The following NFAT5 variants were observed in gnomAD, a reference collection of about 807,000 sequenced individuals.
NFAT5 encodes nuclear factor of activated T cells 5.
NFAT5 carries 31 observed loss-of-function variants against 166.5 expected under a neutral mutation model. That is an observed-to-expected ratio of 0.19 (90% CI 0.14 to 0.25). The LOEUF (loss-of-function observed/expected upper bound fraction) is 0.25, where lower values mean the gene tolerates loss of function less well. Among genes scored for constraint, NFAT5 ranks in the 10% least tolerant of loss-of-function variants. NFAT5 has a pLI of 1.00. For missense variants in NFAT5, 1,449 were observed against 1,821.8 expected (o/e 0.80, Z 3.72); for synonymous variants, 612 against 639.7 (o/e 0.96, Z 0.65).
chr16:69,567,149 C>T (rs989904484), intron 1 of NFAT5, among the ~76,000 whole-genome samples: 4 of 152,344 alleles, frequency 2.6e-5, no homozygotes, highest in South Asian at 2.1e-4. Context: ...AGCCCAGGCA[C>T]AGACGCTGTC....
At chr16:69,645,851 T>G (rs887258671) in intron 3 of NFAT5, among the ~76,000 whole-genome samples, 1 of 152,208 alleles carries the variant, frequency 6.6e-6, no homozygotes, top group African/African-American at 2.4e-5. Context: ...ACTTCCAACC[T>G]TAGCGATCAA....
intron 2 of NFAT5, among the ~76,000 whole-genome samples, chr16:69,597,736 C>G (rs538257040): frequency 6.6e-6 from 1 of 152,130 alleles, no homozygotes; most frequent in East Asian, 1.9e-4. Flanking sequence ...GGACTACAGG[C>G]GCCCACCACC....
intron 9 of NFAT5, among the ~76,000 whole-genome samples, chr16:69,671,003 A>G (rs951929187): frequency 6.6e-6 from 1 of 152,246 alleles, no homozygotes; most frequent in Non-Finnish European, 1.5e-5. Context: ...ACATGACAGA[A>G]GGTAGAGAAA....
At chr16:69,610,928 A>G (rs746549654) in intron 2 of NFAT5, among the ~76,000 whole-genome samples, 2 of 151,868 alleles carry the variant, frequency 1.3e-5, no homozygotes, top group East Asian at 1.9e-4. Flanking sequence ...CTTTCAGTCA[A>G]CCTCACTGGA....
In NFAT5 at chr16:69,566,665, C is replaced by G. The variant is rs1194248474; in HGVS notation, c.73+291C>G. On this transcript the variant is annotated intron_variant, in intron 1 of 14. Coordinates refer to ENST00000349945, the MANE Select transcript of NFAT5 (RefSeq NM_138713.4). This position sits in a 1 kb window ranked among gnomAD's most constrained non-coding sequence, Gnocchi z 5.7. ...CGCTTCTAGCCGCTCTCAGCCCGTC[C>G]GGCCCCGCCAGGCTCCGCGAGCCGC... Among the ~76,000 whole-genome samples, 2 of 151,992 alleles carry G rather than the reference C, an allele frequency of 1.3e-5. No homozygotes were observed. Among genetic ancestry groups the G allele is most frequent in the Admixed American group, 6.6e-5 (1 of 15,266 alleles).
intron 2 of NFAT5, among the ~76,000 whole-genome samples, chr16:69,590,458 C>T (rs1376602103): frequency 6.6e-6 from 1 of 152,078 alleles, no homozygotes; most frequent in Non-Finnish European, 1.5e-5. Flanking sequence ...CTAGTTCTTT[C>T]TTTGTATTTG....
chr16:69,570,597 TATTA>T (rs1464079204), intron 2 of NFAT5, among the ~76,000 whole-genome samples: 6 of 152,046 alleles, frequency 3.9e-5, no homozygotes, highest in South Asian at 2.1e-4. Context: ...ATAATTATTG[TATTA>T]ATTTTTAATT....
intron 7 of NFAT5, among the ~76,000 whole-genome samples, chr16:69,668,817 T>G (rs1010077266): frequency 1.3e-5 from 2 of 152,182 alleles, no homozygotes; most frequent in South Asian, 4.1e-4. Flanking sequence ...TAGCTGGGAT[T>G]ACAAGCACCC....
intron 4 of NFAT5, chr16:69,649,223 T>C: frequency 7.3e-6 from 7 of 958,972 alleles, no homozygotes; most frequent in Non-Finnish European, 8.7e-6. Context: ...CTCATGAATA[T>C]CATTTAATTA....
In NFAT5 at chr16:69,659,887, C is replaced by G; in HGVS notation, c.1357C>G (p.Pro453Ala). 1 of 1,604,552 alleles carries G rather than the reference C, an allele frequency of 6.2e-7. No homozygotes were observed. Among genetic ancestry groups the G allele is most frequent in the Non-Finnish European group, 8.5e-7 (1 of 1,174,852 alleles). Residue 453 changes from proline (P) to alanine (A), a missense_variant, in exon 7 of 15, where the codon CCA (proline) becomes GCA (alanine). Pro to Ala is a conservative substitution (Grantham distance 27). Coordinates refer to ENST00000349945, the MANE Select transcript of NFAT5 (RefSeq NM_138713.4). ...STLTLQTPSS[P>A]ILCTQPAGVP... ...TTTGACACTGCAAACACCCTCTTCT[C>G]CAATTTTGTGTAGTAAGTAAGAAGA...
chr16:69,599,199 A>T (rs556152273), intron 2 of NFAT5, among the ~76,000 whole-genome samples: 77 of 123,662 alleles, frequency 6.2e-4, no homozygotes, highest in Non-Finnish European at 9.9e-4. Flanking sequence ...TAATGACTAC[A>T]TAACTTTGGG....
chr16:69,584,063 A>C (rs1225539788), intron 2 of NFAT5, among the ~76,000 whole-genome samples: 2 of 151,894 alleles, frequency 1.3e-5, no homozygotes, highest in Non-Finnish European at 2.9e-5. Flanking sequence ...CATCTCTACT[A>C]AAAATACAAA....
chr16:69,693,003 G>A lies in NFAT5; in HGVS notation c.3178G>A (p.Gly1060Ser). The A allele has an allele frequency of 5.0e-6, 8 of 1,614,040 alleles. No individual in the cohort carries two copies. The highest frequency in any genetic ancestry group is 3.3e-5 in the South Asian group (3 of 91,084). The stretch of plus-strand genomic sequence containing the variant: ...TCAGAATAGTGGTACCCAACAACAA[G>A]GTAATGGTTTATTCCAGCAAGGGAA... ...SVQNSGTQQQ[G>S]NGLFQQGNEM... Residue 1060 changes from glycine (G) to serine (S), a missense_variant, in exon 13 of 15, where the codon GGT (glycine) becomes AGT (serine). By Grantham distance (56) the Gly-to-Ser change is moderately conservative. Coordinates refer to ENST00000349945, the MANE Select transcript of NFAT5 (RefSeq NM_138713.4).
chr16:69,579,792 C>G (rs987867515), intron 2 of NFAT5, among the ~76,000 whole-genome samples: 2 of 152,020 alleles, frequency 1.3e-5, no homozygotes, highest in African/African-American at 4.8e-5. Context: ...AAATAAAAAC[C>G]CAGTTCAAAA....
chr16:69,678,530 T>G (rs1223529003), intron 10 of NFAT5, among the ~76,000 whole-genome samples: 1 of 152,168 alleles, frequency 6.6e-6, no homozygotes, highest in Non-Finnish European at 1.5e-5. Context: ...GTTCAAAGTT[T>G]AGAAGATACC....
chr16:69,660,798 G>A (rs1379805273), intron 7 of NFAT5, among the ~76,000 whole-genome samples: 2 of 148,804 alleles, frequency 1.3e-5, no homozygotes, highest in Non-Finnish European at 3.0e-5. Context: ...TCCTTTTCAC[G>A]TCTCTCTCTC....
rs111552608 is a variant in NFAT5, at chr16:69,678,208, ATT to A, written c.1690+884_1690+885del. Among the ~76,000 whole-genome samples the A allele has an allele frequency of 4.0e-3, 588 of 147,242 alleles. 8 individuals are homozygous for A. Among genetic ancestry groups the A allele is most frequent in the African/African-American group, 0.013 (524 of 40,096 alleles). Reference sequence around the variant, plus strand: ...ATATTTTAGAAATGAGAGGAACTAAATTTTTTTTTTTTGCATGTGAGTGGGAG... The same window carrying A: ...ATATTTTAGAAATGAGAGGAACTAAATTTTTTTTTTGCATGTGAGTGGGAG... On this transcript the variant is annotated intron_variant, in intron 10 of 14. Transcript: ENST00000349945.
At chr16:69,648,510 G>A (rs963214660) in intron 4 of NFAT5, 90 of 982,500 alleles carry the variant, frequency 9.2e-5, no homozygotes, top group Non-Finnish European at 1.0e-4. Flanking sequence ...AGAGGGTGAT[G>A]AAACAGGATC....
chr16:69,689,386 C>T (rs2151713261), intron 11 of NFAT5, among the ~76,000 whole-genome samples: 1 of 152,248 alleles, frequency 6.6e-6, no homozygotes, highest in African/African-American at 2.4e-5. Context: ...TCTCAAACTA[C>T]TTAGGTAGAA....
Sources: allele counts gnomAD v4.1 joint callset (sites outside exome capture counted in the v4.1 genomes callset), GRCh38; gene constraint gnomAD v4.1.1; non-coding constraint Gnocchi (gnomAD v3.1); transcripts MANE v1.5; gene names NCBI Gene and HGNC (gene_info 2026-07-23, HGNC 2026-07-21).